Variants in MAD1L1 observed in about 807,000 individuals in gnomAD.
The protein encoded by MAD1L1 is mitotic arrest deficient 1 like 1.
MAD1L1 carries 95 observed loss-of-function variants against 96.9 expected under a neutral mutation model. The observed-to-expected ratio is 0.98, with a 90% CI of 0.83 to 1.16. The LOEUF is 1.16. Ranked by LOEUF, MAD1L1 falls within the 50% of genes most tolerant of loss-of-function variation. The pLI is 0.00. For synonymous variants in MAD1L1, 473 were observed against 396.6 expected (o/e 1.19, Z -2.29); for missense variants, 1,007 against 954.4 (o/e 1.06, Z -0.73).
intron 11 of MAD1L1, among the ~76,000 whole-genome samples, chr7:2,105,836 G>A (rs1446634880): frequency 2.6e-5 from 4 of 151,546 alleles, no homozygotes; most frequent in Non-Finnish European, 4.4e-5. Flanking sequence ...CACCCACCCC[G>A]CTCCCCAGCT....
chr7:1,876,831 C>T (rs1785411147), intron 18 of MAD1L1, among the ~76,000 whole-genome samples: 1 of 148,428 alleles, frequency 6.7e-6, no homozygotes, highest in Non-Finnish European at 1.5e-5. Context: ...CTTTACCCCT[C>T]TGCTCAAGGC....
intron 18 of MAD1L1, among the ~76,000 whole-genome samples, chr7:1,819,969 G>T (rs1489820381): frequency 6.6e-6 from 1 of 151,974 alleles, no homozygotes; most frequent in Non-Finnish European, 1.5e-5. Context: ...CTCAAACAAG[G>T]AAAGCTGAAA....
chr7:2,185,457 A>T (rs978765022), intron 10 of MAD1L1, among the ~76,000 whole-genome samples: 1 of 152,182 alleles, frequency 6.6e-6, no homozygotes, highest in Non-Finnish European at 1.5e-5. Flanking sequence ...ATACTCACTC[A>T]ATTATATACA....
At chr7:1,929,158 C>A (rs1213543007) in intron 17 of MAD1L1, among the ~76,000 whole-genome samples, 3 of 152,060 alleles carry the variant, frequency 2.0e-5, no homozygotes, top group Admixed American at 6.5e-5. Context: ...CCCTCCTCCC[C>A]TCCCGGGCCT....
At chr7:2,105,757 C>G (rs1584333702) in intron 11 of MAD1L1, among the ~76,000 whole-genome samples, 1 of 152,178 alleles carries the variant, frequency 6.6e-6, no homozygotes, top group East Asian at 1.9e-4. Context: ...CCAGAAAGTC[C>G]AGGCACGTGA....
intron 10 of MAD1L1, among the ~76,000 whole-genome samples, chr7:2,190,623 T>C (rs1791673503): frequency 6.6e-6 from 1 of 152,078 alleles, no homozygotes; most frequent in Non-Finnish European, 1.5e-5. Flanking sequence ...GACAGTCCAA[T>C]TAAAAAATGG....
At chr7:1,987,991 C>T (rs1202376739) in intron 14 of MAD1L1, among the ~76,000 whole-genome samples, 4 of 152,152 alleles carry the variant, frequency 2.6e-5, no homozygotes, top group African/African-American at 9.7e-5. Flanking sequence ...TCAGGCAGGC[C>T]CCTAGGAGGC....
chr7:2,056,303 C>G (rs1481700098), intron 12 of MAD1L1, among the ~76,000 whole-genome samples: 1 of 152,218 alleles, frequency 6.6e-6, no homozygotes, highest in Non-Finnish European at 1.5e-5. Flanking sequence ...ATCATGAAGC[C>G]TCAGACCTAA....
chr7:2,184,745 T>C (rs763038783), intron 10 of MAD1L1, among the ~76,000 whole-genome samples: 23 of 152,162 alleles, frequency 1.5e-4, no homozygotes, highest in Non-Finnish European at 2.9e-4. Flanking sequence ...TTCACACCTG[T>C]AATCCCAGCA....
intron 14 of MAD1L1, among the ~76,000 whole-genome samples, chr7:1,999,453 T>A (rs1489290684): frequency 6.6e-6 from 1 of 152,100 alleles, no homozygotes; most frequent in Non-Finnish European, 1.5e-5. Flanking sequence ...GTAAACCCCA[T>A]TCCCCATGAC....
intron 18 of MAD1L1, 158 bp downstream of exon 18, chr7:1,898,042 G>T (rs114122471): frequency 1.3e-6 from 1 of 756,266 alleles, no homozygotes; most frequent in African/African-American, 1.7e-5. Flanking sequence ...GCCTCAGGGG[G>T]TGACGAGGAC....
At chr7:2,181,995 G>A (rs1009548713) in intron 10 of MAD1L1, among the ~76,000 whole-genome samples, 2 of 152,144 alleles carry the variant, frequency 1.3e-5, no homozygotes, top group African/African-American at 4.8e-5. Flanking sequence ...ACACAAAGGT[G>A]TAAGAGGGAT....
intron 12 of MAD1L1, among the ~76,000 whole-genome samples, chr7:2,027,342 C>T (rs1783036661): frequency 6.6e-6 from 1 of 152,124 alleles, no homozygotes; most frequent in African/African-American, 2.4e-5. Context: ...AGACAACTTG[C>T]TAATATTTTC....
intron 14 of MAD1L1, among the ~76,000 whole-genome samples, chr7:1,982,298 T>G (rs1242809330): frequency 6.6e-6 from 1 of 152,126 alleles, no homozygotes; most frequent in Non-Finnish European, 1.5e-5. Flanking sequence ...TCACTGCAGC[T>G]CCCAGGTTCA....
In MAD1L1 at chr7:2,094,345, C is replaced by T. The variant is rs138252918; in HGVS notation, c.1074-25007G>A. Reference sequence around the variant, plus strand: ...CGGGACACGCACTCACCCACACTCTCGACAGAGGATGCCCGAGCACCCCTG... The same window carrying T: ...CGGGACACGCACTCACCCACACTCTTGACAGAGGATGCCCGAGCACCCCTG... On this transcript the variant is annotated intron_variant, in intron 11 of 18. Coordinates refer to ENST00000265854, the MANE Select transcript of MAD1L1 (RefSeq NM_001013836.2). 2.2e-3 allele frequency among the ~76,000 whole-genome samples: 340 copies of T among 152,312 alleles called. 1 individual carries two copies. The highest frequency in any genetic ancestry group is 4.2e-3 in the Non-Finnish European group (286 of 68,038).
At chr7:1,971,676 A>C (rs1780414183) in intron 15 of MAD1L1, among the ~76,000 whole-genome samples, 2 of 152,148 alleles carry the variant, frequency 1.3e-5, no homozygotes, top group Admixed American at 1.3e-4. Context: ...ACTTTTTTTG[A>C]GGCATTTACC....
chr7:2,136,164 G>A (rs186925821), intron 11 of MAD1L1, among the ~76,000 whole-genome samples: 2 of 152,284 alleles, frequency 1.3e-5, no homozygotes, highest in Admixed American at 1.3e-4. Context: ...CTGCGCAACT[G>A]TGTTTCTCGG....
chr7:1,895,230 G>A (rs1786791834), intron 18 of MAD1L1, among the ~76,000 whole-genome samples: 1 of 152,228 alleles, frequency 6.6e-6, no homozygotes, highest in Admixed American at 6.5e-5. Flanking sequence ...GCTCAGAAAT[G>A]AAACCGATGG....
chr7:2,051,663 C>T (rs1265880765), intron 12 of MAD1L1, among the ~76,000 whole-genome samples: 16 of 120,216 alleles, frequency 1.3e-4, no homozygotes, highest in Non-Finnish European at 2.8e-4. Context: ...AGCTGCCCTG[C>T]GCCTGCCGGG....
Sources: allele counts gnomAD v4.1 joint callset (sites outside exome capture counted in the v4.1 genomes callset), GRCh38; gene constraint gnomAD v4.1.1; transcripts MANE v1.5; gene names NCBI Gene and HGNC (gene_info 2026-07-23, HGNC 2026-07-21).